Variants in NPHP4 observed in about 807,000 individuals in gnomAD.
NPHP4 encodes nephrocystin 4, also known as nephrocystin-4.
NPHP4 carries 151 observed loss-of-function variants against 155.8 expected under a neutral mutation model. The observed-to-expected ratio is 0.97, with a 90% CI of 0.85 to 1.11. NPHP4 has a LOEUF of 1.11. Among genes scored for constraint, NPHP4 ranks in the 50% least tolerant of loss-of-function variants. The pLI, the probability that NPHP4 is intolerant of heterozygous loss-of-function variation, is 0.00. For missense variants in NPHP4, 1,956 were observed against 1,925.7 expected (o/e 1.02, Z -0.29); for synonymous variants, 845 against 816.8 (o/e 1.03, Z -0.59).
intron 17 of NPHP4, 73 bp from the exon 18 acceptor site, chr1:5,887,539 G>A (rs1643887895): frequency 6.6e-7 from 1 of 1,514,198 alleles, no homozygotes; most frequent in Admixed American, 1.7e-5. Flanking sequence ...GCAGGTGGAG[G>A]CTGCTCCCCA....
At position 5,889,816 on chromosome 1, in the gene NPHP4, C is replaced by G. The variant is rs1242795593; in HGVS notation, c.2304+1052G>C. Among the ~76,000 whole-genome samples, 1 of 152,234 alleles carries G rather than the reference C, an allele frequency of 6.6e-6. No individual in the cohort carries two copies. Among genetic ancestry groups the G allele is most frequent in the African/African-American group, 2.4e-5 (1 of 41,454 alleles). On this transcript the variant is annotated intron_variant, in intron 17 of 29. Coordinates refer to ENST00000378156, the MANE Select transcript of NPHP4 (RefSeq NM_015102.5). This position sits in a 1 kb window ranked among gnomAD's most constrained non-coding sequence, Gnocchi z 4.2. ...GGCCCAGGGTGAGGCATGAGAAGAG[C>G]AGCCAAGCCCTGCGGAGTCCCTGCC...
Position 5,942,616 on chromosome 1 carries a change from G to A in NPHP4, c.1119+4488C>T, listed in dbSNP as rs1223734905. Among the ~76,000 whole-genome samples the A allele has an allele frequency of 5.3e-5, 7 of 132,466 alleles. No homozygotes were observed. In the East Asian group the frequency reaches 1.7e-3, roughly 32 times the overall value. The allele number at this position is 132,466 out of a possible 152,430, so 86.9% of individuals were successfully genotyped here. ...AAAAAAAAAAAAAAGCTGAGGAACT[G>A]TTCCAGAATTAAGGAGGTCAAAGAG... is the stretch of plus-strand genomic sequence containing the variant. On this transcript the variant is annotated intron_variant, in intron 9 of 29. Coordinates refer to ENST00000378156, the MANE Select transcript of NPHP4 (RefSeq NM_015102.5).
intron 9 of NPHP4, among the ~76,000 whole-genome samples, chr1:5,943,361 T>C (rs186089005): frequency 2.6e-5 from 4 of 152,342 alleles, no homozygotes; most frequent in African/African-American, 7.2e-5. Flanking sequence ...GGGTGTGCCC[T>C]GAACACAGTA....
intron 16 of NPHP4, among the ~76,000 whole-genome samples, chr1:5,899,208 A>C (rs1157744621): frequency 6.6e-6 from 1 of 152,174 alleles, no homozygotes; most frequent in Non-Finnish European, 1.5e-5. Flanking sequence ...GGCCGTGCGC[A>C]CCAAAAGCAC....
chr1:5,875,033 G>A lies in NPHP4; in HGVS notation c.2885C>T (p.Thr962Met), dbSNP rs552595155. ...LQVIAAYRER[T>M]KAESIASLLS... The stretch of plus-strand genomic sequence containing the variant: ...CAGGCTGGCGATGCTCTCGGCCTTC[G>A]TGCGTTCCCGGTAGGCGGCGATGAC... The change falls in exon 21 of 30, where the codon ACG becomes ATG. Residue 962 changes from threonine to methionine, a missense_variant. Thr to Met is a moderately conservative substitution (Grantham distance 81, BLOSUM62 -1). Coordinates refer to ENST00000378156, the MANE Select transcript of NPHP4 (RefSeq NM_015102.5). 2.2e-5 allele frequency: 35 copies of A among 1,609,788 alleles called. No individual in the cohort carries two copies. The highest frequency in any genetic ancestry group is 1.0e-4 in the Admixed American group (6 of 60,018).
intron 10 of NPHP4, 33 bp from the exon 11 acceptor site, chr1:5,927,820 TC>T (rs1293961233): frequency 8.2e-6 from 13 of 1,579,076 alleles, no homozygotes; most frequent in Non-Finnish European, 5.2e-6. Flanking sequence ...TGATGGCCAC[TC>T]CCTTCATCAG....
Position 5,864,471 on chromosome 1 carries a change from T to C in NPHP4, c.3863A>G (p.Asp1288Gly). 1.2e-6 allele frequency: 2 copies of C among 1,602,294 alleles called. No individual in the cohort carries two copies. The highest frequency in any genetic ancestry group is 8.5e-7 in the Non-Finnish European group (1 of 1,174,150). ...AAGGGGCCTCACGCCAACATGCAGG[T>C]CCTGCACCCCACGAGGCGGCAGCAC... ...VFVLPPRGVQ[D>G]LHVGVRPLRA... The change falls in exon 28 of 30, where the codon GAC (aspartate) becomes GGC (glycine). Residue 1288 changes from aspartate to glycine, a missense_variant. Coordinates refer to ENST00000378156, the MANE Select transcript of NPHP4 (RefSeq NM_015102.5).
intron 18 of NPHP4, among the ~76,000 whole-genome samples, chr1:5,885,501 C>A (rs1156849962): frequency 6.6e-6 from 1 of 152,248 alleles, no homozygotes; most frequent in East Asian, 1.9e-4. Flanking sequence ...AAAGAGGCTG[C>A]CAAGGAAATC....
At chr1:5,874,436 C>G in intron 22 of NPHP4, 35 bp downstream of exon 22, 1 of 1,483,378 alleles carries the variant, frequency 6.7e-7, no homozygotes, top group Non-Finnish European at 9.0e-7. Context: ...CGTCATCAGC[C>G]AAATGCAACT....
chr1:5,975,347 A>C (rs1570719159), intron 3 of NPHP4, among the ~76,000 whole-genome samples: 1 of 152,182 alleles, frequency 6.6e-6, no homozygotes, highest in African/African-American at 2.4e-5. Context: ...TTCCTGGGGC[A>C]CCACTGGCCT....
rs1262238240 is a variant in NPHP4 at position 5,947,138 on chromosome 1, T to G, written c.1085A>C (p.Tyr362Ser). The change falls in exon 9 of 30, where the codon TAC becomes TCC. Residue 362 changes from tyrosine to serine, a missense_variant. Physicochemically the swap from Tyr to Ser is moderately radical, Grantham distance 144 (BLOSUM62 -2). Coordinates refer to ENST00000378156, the MANE Select transcript of NPHP4 (RefSeq NM_015102.5). Reference sequence around the variant, plus strand: ...CACTCCTGCAGGGCTGCTGAACACGTACTCCAGCTGGAAGATGACCGCAAA... The same window carrying G: ...CACTCCTGCAGGGCTGCTGAACACGGACTCCAGCTGGAAGATGACCGCAAA... The part of the protein sequence containing the change: ...PAFAVIFQLE[Y>S]VFSSPAGVDG... 2 of 1,613,956 alleles carry G rather than the reference T, an allele frequency of 1.2e-6. No individual in the cohort carries two copies. Among genetic ancestry groups the G allele is most frequent in the Admixed American group, 3.3e-5 (2 of 60,018 alleles).
intron 22 of NPHP4, 35 bp downstream of exon 22, chr1:5,874,436 C>T: frequency 6.7e-7 from 1 of 1,483,378 alleles, no homozygotes; most frequent in Non-Finnish European, 9.0e-7. Flanking sequence ...CGTCATCAGC[C>T]AAATGCAACT....
chr1:5,966,971 A>G (rs1056275408), intron 5 of NPHP4, among the ~76,000 whole-genome samples: 1 of 152,236 alleles, frequency 6.6e-6, no homozygotes, highest in African/African-American at 2.4e-5. Context: ...CTGTGCGGTC[A>G]GAGGTTTGAG....
At chr1:5,973,658 C>T (rs1479005515) in intron 3 of NPHP4, among the ~76,000 whole-genome samples, 1 of 152,242 alleles carries the variant, frequency 6.6e-6, no homozygotes, top group Non-Finnish European at 1.5e-5. Context: ...TACAGCTTTC[C>T]ATTGTCCCCA....
chr1:5,866,450 C>G lies in NPHP4; in HGVS notation c.3567G>C (p.Gly1189=). 6.3e-7 allele frequency: 1 copy of G among 1,591,824 alleles called. No individual in the cohort carries two copies. The highest frequency in any genetic ancestry group is 8.6e-7 in the Non-Finnish European group (1 of 1,166,718). ...CCTTCAGAAATATGTCCCGTGGTTC[C>G]CCGGGGCCCTGCCAACCAGATGTGC... ...VICETQNVGP[G]EPRDIFLKVA... is the part of the protein sequence containing the mutation. The change falls in exon 26 of 30, where the codon GGG becomes GGC. Residue 1189 remains glycine, a synonymous_variant. Coordinates refer to ENST00000378156, the MANE Select transcript of NPHP4 (RefSeq NM_015102.5).
intron 9 of NPHP4, among the ~76,000 whole-genome samples, chr1:5,941,812 C>T (rs1404386722): frequency 6.6e-6 from 1 of 152,156 alleles, no homozygotes. Flanking sequence ...GACCCATGTG[C>T]GCTTGATGGA....
At chr1:5,874,391 A>G (rs1642331134) in intron 22 of NPHP4, 80 bp downstream of exon 22, 3 of 1,306,036 alleles carry the variant, frequency 2.3e-6, no homozygotes, top group Admixed American at 5.3e-5. Context: ...AGGGAGGGAC[A>G]CTGGTGGAGA....
At chr1:5,941,955 A>G (rs930857580) in intron 9 of NPHP4, among the ~76,000 whole-genome samples, 1 of 152,168 alleles carries the variant, frequency 6.6e-6, no homozygotes, top group African/African-American at 2.4e-5. Context: ...ACGCCAACCC[A>G]AGGGGGACAA....
At chr1:5,913,662 G>A (rs559704051) in intron 11 of NPHP4, among the ~76,000 whole-genome samples, 67 of 152,328 alleles carry the variant, frequency 4.4e-4, no homozygotes, top group African/African-American at 1.6e-3. Context: ...CTCGCCTGGA[G>A]GGGGCCCTGC....
Sources: allele counts gnomAD v4.1 joint callset (sites outside exome capture counted in the v4.1 genomes callset), GRCh38; gene constraint gnomAD v4.1.1; non-coding constraint Gnocchi (gnomAD v3.1); transcripts MANE v1.5; gene names NCBI Gene and HGNC (gene_info 2026-07-23, HGNC 2026-07-21).